The following GPM6A variants were observed in gnomAD, a reference collection of about 807,000 sequenced individuals.
GPM6A encodes the protein glycoprotein M6A, also known as neuronal membrane glycoprotein M6-a.
GPM6A carries 7 observed loss-of-function variants against 32.1 expected under a neutral mutation model. The ratio of observed to expected loss-of-function variants is 0.22; its 90% CI spans 0.12 to 0.41. The LOEUF is 0.41. GPM6A is among the 10% of genes least tolerant of loss of function. The pLI is 1.00. For synonymous variants in GPM6A, 130 were observed against 123.4 expected (o/e 1.05, Z -0.35); for missense variants, 235 against 347.2 (o/e 0.68, Z 2.57).
intron 1 of GPM6A, among the ~76,000 whole-genome samples, chr4:175,809,476 A>T (rs564986786): frequency 3.4e-4 from 52 of 152,156 alleles, no homozygotes; most frequent in African/African-American, 1.3e-3. Flanking sequence ...TTACCAAAAA[A>T]TATGTTTCTT....
rs565810133 is a variant in GPM6A at position 175,964,661 on chromosome 4, T to C, written c.-23+37648A>G. ...GATTAGGGCCACCCTAATGACCTCA[T>C]TTTACCTTAATTACATCCTTAAAGA... On this transcript the variant is annotated intron_variant, in intron 1 of 7. Transcript: ENST00000280187. 1.6e-4 allele frequency among the ~76,000 whole-genome samples: 24 copies of C among 152,286 alleles called. 1 individual carries two copies. In the South Asian group the frequency reaches 4.4e-3, roughly 28 times the overall value.
intron 2 of GPM6A, among the ~76,000 whole-genome samples, chr4:175,674,340 G>C (rs929986890): frequency 3.9e-5 from 6 of 152,142 alleles, no homozygotes; most frequent in African/African-American, 1.4e-4. Context: ...ACCATGCCCA[G>C]ATAATTTTGT....
intron 1 of GPM6A, among the ~76,000 whole-genome samples, chr4:175,978,814 C>T (rs1310217760): frequency 6.6e-6 from 1 of 151,370 alleles, no homozygotes; most frequent in Non-Finnish European, 1.5e-5. Flanking sequence ...TTTTTAAAAG[C>T]TCTCTAAGTG....
chr4:175,969,172 A>G (rs914700156), intron 1 of GPM6A, among the ~76,000 whole-genome samples: 3 of 152,242 alleles, frequency 2.0e-5, no homozygotes, highest in African/African-American at 7.2e-5. Context: ...GCTATGTACT[A>G]TATGACTGCA....
intron 1 of GPM6A, among the ~76,000 whole-genome samples, chr4:175,883,799 A>G (rs957585739): frequency 2.0e-5 from 3 of 152,200 alleles, no homozygotes; most frequent in Admixed American, 6.5e-5. Flanking sequence ...TTAACTCAAT[A>G]TTGACATTAA....
At chr4:175,902,157 G>A (rs1371817706) in intron 1 of GPM6A, among the ~76,000 whole-genome samples, 1 of 151,920 alleles carries the variant, frequency 6.6e-6, no homozygotes, top group Non-Finnish European at 1.5e-5. Context: ...ATGCTACTCT[G>A]GAATAAAAAA....
intron 1 of GPM6A, among the ~76,000 whole-genome samples, chr4:175,863,535 T>TA (rs1178295364): frequency 6.6e-6 from 1 of 152,206 alleles, no homozygotes; most frequent in African/African-American, 2.4e-5. Context: ...AAAGAGGCTG[T>TA]AAACACTTGT....
intron 1 of GPM6A, among the ~76,000 whole-genome samples, chr4:175,945,666 A>C (rs995792407): frequency 6.2e-5 from 9 of 144,990 alleles, no homozygotes; most frequent in African/African-American, 2.4e-4. Flanking sequence ...TATAAGTTAT[A>C]ATATATGTTA....
rs1740463062 is a variant in GPM6A, at chr4:175,634,479, T to TA, written c.*425dup. 6.2e-6 allele frequency: 1 copy of TA among 162,014 alleles called. No homozygotes were observed. Among genetic ancestry groups the TA allele is most frequent in the Admixed American group, 6.3e-5 (1 of 15,800 alleles). The allele number at this position is 162,014 out of a possible 1,614,324, so 10.0% of individuals were successfully genotyped here. On this transcript the variant is annotated 3_prime_UTR_variant, in exon 7 of 7. Coordinates refer to ENST00000393658, the MANE Select transcript of GPM6A (RefSeq NM_201591.3). ...AATGTACAATGGTCCCTTTGAAGGT[T>TA]ACCTGTAGTTAAACTAGTTACCGAA...
At chr4:175,898,303 A>T (rs1737856107) in intron 1 of GPM6A, among the ~76,000 whole-genome samples, 1 of 152,186 alleles carries the variant, frequency 6.6e-6, no homozygotes, top group Admixed American at 6.5e-5. Flanking sequence ...ATATATAATT[A>T]CAAGTTCCCC....
In GPM6A at chr4:175,702,028, C is replaced by T. The variant is rs189070451; in HGVS notation, c.38-261G>A. 1.9e-3 allele frequency among the ~76,000 whole-genome samples: 282 copies of T among 152,312 alleles called. 2 individuals carry two copies. The highest frequency in any genetic ancestry group is 6.2e-3 in the African/African-American group (257 of 41,566). On this transcript the variant is annotated intron_variant, in intron 1 of 6. Transcript: ENST00000393658. ...ACCTAGAGAAGCCCTTCCTTCCCAA[C>T]CCAGACTTTCTATAATAATTAATCT... is the stretch of plus-strand genomic sequence containing the variant.
intron 1 of GPM6A, among the ~76,000 whole-genome samples, chr4:175,817,384 A>G (rs1735140628): frequency 6.6e-6 from 1 of 152,234 alleles, no homozygotes; most frequent in African/African-American, 2.4e-5. Flanking sequence ...CAAAAGGGAT[A>G]CTAAGAAGAC....
intron 1 of GPM6A, among the ~76,000 whole-genome samples, chr4:175,818,796 C>T (rs112453514): frequency 2.6e-5 from 4 of 152,064 alleles, no homozygotes; most frequent in African/African-American, 9.7e-5. Context: ...CAGTTGAAGG[C>T]AAAACGATAA....
chr4:175,726,795 A>C (rs1053892021), intron 1 of GPM6A, among the ~76,000 whole-genome samples: 1 of 152,222 alleles, frequency 6.6e-6, no homozygotes, highest in African/African-American at 2.4e-5. Context: ...CAGGAGTTTG[A>C]GACGAGCCCA....
At chr4:175,756,044 A>G (rs1009568439) in intron 1 of GPM6A, among the ~76,000 whole-genome samples, 7 of 152,160 alleles carry the variant, frequency 4.6e-5, no homozygotes, top group Admixed American at 3.9e-4. Flanking sequence ...GAAGATTTCA[A>G]GGCTGATCAT....
chr4:175,799,702 C>T (rs1179997279), intron 1 of GPM6A, among the ~76,000 whole-genome samples: 3 of 100,580 alleles, frequency 3.0e-5, no homozygotes, highest in East Asian at 6.5e-4. Flanking sequence ...GAGTCTCGCT[C>T]TGTCGCCCAG....
chr4:175,939,565 C>A (rs1332859127), intron 1 of GPM6A, among the ~76,000 whole-genome samples: 2 of 152,096 alleles, frequency 1.3e-5, no homozygotes, highest in Admixed American at 6.6e-5. Context: ...ATTTAAATGG[C>A]AATTAAATAG....
intron 1 of GPM6A, 44 bp downstream of exon 1, chr4:175,812,147 C>A: frequency 1.4e-6 from 2 of 1,428,278 alleles, no homozygotes; most frequent in Non-Finnish European, 1.9e-6. Flanking sequence ...AAGGAAACTG[C>A]AAAATAATTA....
In GPM6A at chr4:175,736,581, G is replaced by A. The variant is rs1372588092; in HGVS notation, c.38-34814C>T. Among the ~76,000 whole-genome samples, 4 of 152,122 alleles carry A rather than the reference G, an allele frequency of 2.6e-5. No homozygotes were observed. In the South Asian group the frequency reaches 6.2e-4, roughly 24 times the overall value. ...ATATTGGCTTTACGTTGCTGAAACAGAAATAAATAATATCTCAAAATAGCT... is the reference window on the plus strand; with the variant it reads ...ATATTGGCTTTACGTTGCTGAAACAAAAATAAATAATATCTCAAAATAGCT... On this transcript the variant is annotated intron_variant, in intron 1 of 6. Coordinates refer to ENST00000393658, the MANE Select transcript of GPM6A (RefSeq NM_201591.3).
Sources: gnomAD v4.1 joint callset for allele counts (sites outside exome capture counted in the v4.1 genomes callset) on GRCh38, gnomAD v4.1.1 for gene constraint, MANE v1.5 for transcripts, NCBI Gene and HGNC (gene_info 2026-07-23, HGNC 2026-07-21) for gene names.